Variants in LRMDA observed in about 807,000 individuals in gnomAD.
LRMDA encodes leucine rich melanocyte differentiation associated.
LRMDA carries 18 observed loss-of-function variants against 29.8 expected under a neutral mutation model. The ratio of observed to expected loss-of-function variants is 0.60; its 90% CI spans 0.42 to 0.90. LRMDA has a LOEUF of 0.90. Among genes scored for constraint, LRMDA ranks in the 40% least tolerant of loss-of-function variants. The pLI is 0.00. For synonymous variants in LRMDA, 125 were observed against 109.4 expected (o/e 1.14, Z -0.89); for missense variants, 273 against 273.9 (o/e 1.00, Z 0.02).
At chr10:76,412,653 T>G (rs1198353276) in intron 6 of LRMDA, among the ~76,000 whole-genome samples, 1 of 152,174 alleles carries the variant, frequency 6.6e-6, no homozygotes, top group Non-Finnish European at 1.5e-5. Context: ...GGGAATTGAA[T>G]GAGGAATGAT....
At chr10:75,819,743 C>T (rs534562529) in intron 2 of LRMDA, among the ~76,000 whole-genome samples, 56 of 152,040 alleles carry the variant, frequency 3.7e-4, no homozygotes, top group Non-Finnish European at 6.5e-4. Context: ...GTCAGGAGGA[C>T]CCCAGCTGTT....
intron 2 of LRMDA, among the ~76,000 whole-genome samples, chr10:76,021,410 T>C (rs1453972195): frequency 6.6e-6 from 1 of 152,200 alleles, no homozygotes; most frequent in African/African-American, 2.4e-5. Context: ...GCTTGAAAGC[T>C]TGGGTCAAGA....
At chr10:76,224,052 G>T (rs1241135899) in intron 5 of LRMDA, among the ~76,000 whole-genome samples, 1 of 152,102 alleles carries the variant, frequency 6.6e-6, no homozygotes, top group African/African-American at 2.4e-5. Context: ...GGGAAGTTGT[G>T]GCTGTGCCTC....
At chr10:75,959,755 A>G (rs1846730257) in intron 2 of LRMDA, among the ~76,000 whole-genome samples, 1 of 152,210 alleles carries the variant, frequency 6.6e-6, no homozygotes, top group Non-Finnish European at 1.5e-5. Context: ...GTGAATGACT[A>G]ATATCATCCA....
At chr10:76,491,573 A>T (rs1205850403) in intron 6 of LRMDA, among the ~76,000 whole-genome samples, 1 of 151,564 alleles carries the variant, frequency 6.6e-6, no homozygotes, top group African/African-American at 2.4e-5. Flanking sequence ...ATGGTGTGTT[A>T]TTTTTTTCTC....
intron 2 of LRMDA, among the ~76,000 whole-genome samples, chr10:75,476,086 T>C (rs1240813996): frequency 1.3e-5 from 2 of 152,228 alleles, no homozygotes; most frequent in African/African-American, 4.8e-5. Context: ...GAATGGAAAT[T>C]GGAGGCCAAG....
At chr10:76,062,870 A>G (rs2132059495) in intron 5 of LRMDA, among the ~76,000 whole-genome samples, 1 of 152,322 alleles carries the variant, frequency 6.6e-6, no homozygotes, top group East Asian at 1.9e-4. Flanking sequence ...CCCGCTAGTA[A>G]CCAAACTGTG....
chr10:76,481,623 G>A (rs1842734314), intron 6 of LRMDA, among the ~76,000 whole-genome samples: 1 of 151,916 alleles, frequency 6.6e-6, no homozygotes, highest in Admixed American at 6.6e-5. Flanking sequence ...TATACATTTA[G>A]CTCTTATTTT....
At chr10:76,298,374 G>A (rs1840438753) in intron 5 of LRMDA, among the ~76,000 whole-genome samples, 1 of 152,222 alleles carries the variant, frequency 6.6e-6, no homozygotes, top group Non-Finnish European at 1.5e-5. Context: ...CATTGGAGAG[G>A]AAGGCAGGAA....
chr10:76,399,840 T>C (rs1841829400), intron 6 of LRMDA, among the ~76,000 whole-genome samples: 1 of 152,192 alleles, frequency 6.6e-6, no homozygotes, highest in South Asian at 2.1e-4. Context: ...AGTTAGTGCT[T>C]TTTCATTGAG....
At chr10:76,145,127 C>T (rs1015462918) in intron 5 of LRMDA, among the ~76,000 whole-genome samples, 1 of 152,154 alleles carries the variant, frequency 6.6e-6, no homozygotes, top group African/African-American at 2.4e-5. Context: ...CATCAATGTT[C>T]GTCAAGGATA....
intron 2 of LRMDA, among the ~76,000 whole-genome samples, chr10:75,983,288 A>G (rs1049202468): frequency 9.2e-5 from 14 of 152,204 alleles, no homozygotes; most frequent in Non-Finnish European, 4.4e-5. Context: ...AGCCAAATAA[A>G]AATTTCACAT....
chr10:76,559,637 TA>T lies in LRMDA; in HGVS notation c.*2352del, dbSNP rs1271802573. 7.9e-5 allele frequency: 12 copies of T among 152,228 alleles called. No individual in the cohort carries two copies. In the East Asian group the frequency reaches 2.3e-3, roughly 29 times the overall value. The allele number at this position is 152,228 out of a possible 1,614,324, so 9.4% of individuals were successfully genotyped here. A position where few individuals can be genotyped will look rare whatever the true frequency, so the allele number is the denominator to read the frequency against. ...TAGAACCCATGTTGCATGTTTATCCTAAATCTGTAGGAATTTCCCAAACCTT... is the reference window on the plus strand; with the variant it reads ...TAGAACCCATGTTGCATGTTTATCCTAATCTGTAGGAATTTCCCAAACCTT... On this transcript the variant is annotated 3_prime_UTR_variant, in exon 7 of 7. Transcript: ENST00000611255.
Position 75,569,530 on chromosome 10 carries a change from C to T in LRMDA, c.131+131036C>T, listed in dbSNP as rs928031968. Among the ~76,000 whole-genome samples the T allele has an allele frequency of 4.6e-5, 7 of 152,172 alleles. 1 individual carries two copies. The South Asian group carries it at 1.0e-3, about 23-fold the overall frequency. On this transcript the variant is annotated intron_variant, in intron 2 of 6. Coordinates refer to ENST00000611255, the MANE Select transcript of LRMDA (RefSeq NM_001305581.2). ...CCCCTGTCAGTTTAGCAATCAACAG[C>T]AATAAAAACCCAGATATAAAATTTT...
At chr10:76,534,928 A>T (rs1412407667) in intron 6 of LRMDA, among the ~76,000 whole-genome samples, 2 of 152,108 alleles carry the variant, frequency 1.3e-5, no homozygotes, top group African/African-American at 4.8e-5. Flanking sequence ...TACCTCCATG[A>T]TATTTATGTC....
At chr10:76,126,218 C>G (rs577930821) in intron 5 of LRMDA, among the ~76,000 whole-genome samples, 5 of 152,314 alleles carry the variant, frequency 3.3e-5, no homozygotes, top group South Asian at 4.2e-4. Flanking sequence ...ATGGAGCTGG[C>G]TTTTCCAGTT....
intron 2 of LRMDA, among the ~76,000 whole-genome samples, chr10:75,753,816 A>G (rs1363867478): frequency 6.6e-6 from 1 of 151,804 alleles, no homozygotes; most frequent in Non-Finnish European, 1.5e-5. Context: ...AAGGGGGTCC[A>G]GTTAGCACAG....
At chr10:76,509,924 A>G (rs1403369321) in intron 6 of LRMDA, among the ~76,000 whole-genome samples, 2 of 152,194 alleles carry the variant, frequency 1.3e-5, no homozygotes, top group East Asian at 3.9e-4. Context: ...CCAAGCAGGT[A>G]TATGTAAAGG....
intron 2 of LRMDA, among the ~76,000 whole-genome samples, chr10:75,738,582 C>T (rs1173993578): frequency 8.5e-5 from 13 of 152,152 alleles, no homozygotes; most frequent in Admixed American, 6.5e-4. Context: ...ATGACCAAAA[C>T]GCCTTGACTT....
Sources: allele counts gnomAD v4.1 joint callset (sites outside exome capture counted in the v4.1 genomes callset), GRCh38; gene constraint gnomAD v4.1.1; transcripts MANE v1.5; gene names NCBI Gene and HGNC (gene_info 2026-07-23, HGNC 2026-07-21).